Variants in FBLN7 observed in about 807,000 individuals in gnomAD.
FBLN7 encodes fibulin-7.
FBLN7 carries 31 observed loss-of-function variants against 44.0 expected under a neutral mutation model. The ratio of observed to expected loss-of-function variants is 0.70; its 90% CI spans 0.53 to 0.95. The LOEUF (loss-of-function observed/expected upper bound fraction) is 0.95. Among genes scored for constraint, FBLN7 ranks in the 40% least tolerant of loss-of-function variants. The probability of loss-of-function intolerance (pLI) is 0.00; values close to 1 mark genes in which losing one functional copy is unlikely to be tolerated. For missense variants in FBLN7, 573 were observed against 618.5 expected (o/e 0.93, Z 0.78); for synonymous variants, 262 against 253.4 (o/e 1.03, Z -0.32).
Position 112,187,239 on chromosome 2 carries a change from C to G in FBLN7, c.1053C>G (p.Pro351=). The G allele has an allele frequency of 6.2e-7, 1 of 1,614,216 alleles. No homozygotes were observed. Residue 351 remains proline, a synonymous_variant, in exon 8 of 8, where the codon CCC becomes CCG. Transcript: ENST00000331203. This position sits in a 1 kb window ranked among gnomAD's most constrained non-coding sequence, Gnocchi z 5.1. ...CTCTGCCTTCCAACCTGAAGACGCC[C>G]ATCACGCTCTTCCGCATGGCCACAG... The part of the protein sequence containing the change: ...YLSLPSNLKT[P]ITLFRMATAS...
intron 6 of FBLN7, 147 bp downstream of exon 6, chr2:112,183,075 C>T: frequency 9.6e-7 from 1 of 1,044,346 alleles, no homozygotes; most frequent in Non-Finnish European, 1.3e-6. Context: ...CAAAGGGCTT[C>T]TCAAAGGTCA....
chr2:112,174,927 AT>A (rs1186696551), intron 3 of FBLN7, among the ~76,000 whole-genome samples: 2 of 152,192 alleles, frequency 1.3e-5, no homozygotes, highest in Non-Finnish European at 2.9e-5. Flanking sequence ...ATTAAAAAAA[AT>A]GTATACATGA....
chr2:112,140,680 T>C (rs907404752), intron 1 of FBLN7, among the ~76,000 whole-genome samples: 18 of 152,128 alleles, frequency 1.2e-4, no homozygotes, highest in African/African-American at 4.3e-4. Context: ...CTAATTAGCT[T>C]AGAGAACGTC....
At chr2:112,139,181 C>T (rs1680512328) in intron 1 of FBLN7, among the ~76,000 whole-genome samples, 1 of 57,036 alleles carries the variant, frequency 1.8e-5, no homozygotes, top group Admixed American at 1.4e-4. Flanking sequence ...CTCTCCAGGC[C>T]AGTGTCCCTC....
intron 3 of FBLN7, among the ~76,000 whole-genome samples, chr2:112,172,853 T>C (rs1315012220): frequency 2.0e-5 from 3 of 152,052 alleles, no homozygotes; most frequent in Non-Finnish European, 4.4e-5. Context: ...AGGCTGGTCT[T>C]GAACTCCTGG....
the FBLN7 span, among the ~76,000 whole-genome samples, chr2:112,242,339 T>C: frequency 6.6e-6 from 1 of 152,234 alleles, no homozygotes; most frequent in Non-Finnish European, 1.5e-5. Context: ...TCAGAGTCCA[T>C]AAATACAATT....
At chr2:112,229,200 T>C in the FBLN7 span, among the ~76,000 whole-genome samples, 8 of 152,074 alleles carry the variant, frequency 5.3e-5, no homozygotes, top group Non-Finnish European at 7.4e-5. Flanking sequence ...GAAAGAGCAG[T>C]CTTTTTAATT....
rs565930395 is a variant in FBLN7 at position 112,183,050 on chromosome 2, TA to T, written c.808+127del. The T allele has an allele frequency of 7.3e-3, 9,751 of 1,336,912 alleles. 63 individuals are homozygous for T. Among genetic ancestry groups the T allele is most frequent in the South Asian group, 0.015 (1,048 of 69,608 alleles). The allele number at this position is 1,336,912 out of a possible 1,614,324, so 82.8% of individuals were successfully genotyped here. On this transcript the variant is annotated intron_variant, in intron 6 of 7. Coordinates refer to ENST00000331203, the MANE Select transcript of FBLN7 (RefSeq NM_153214.3). ...CACAGTTTCAGATACATTGGATTTT[TA>T]AAAAGCCACCAACCAAAGGGCTTCT...
At chr2:112,220,992 G>C in the FBLN7 span, among the ~76,000 whole-genome samples, 5 of 152,296 alleles carry the variant, frequency 3.3e-5, no homozygotes, top group Admixed American at 2.0e-4. Context: ...GAACTTGAAT[G>C]TTGGCCTCTC....
At chr2:112,175,919 G>A in intron 4 of FBLN7, 80 bp downstream of exon 4, 1 of 1,517,412 alleles carries the variant, frequency 6.6e-7, no homozygotes. Context: ...CCCAAATGCA[G>A]ACATGTAGGG....
At chr2:112,154,783 G>C (rs1681332831) in intron 1 of FBLN7, among the ~76,000 whole-genome samples, 1 of 152,198 alleles carries the variant, frequency 6.6e-6, no homozygotes, top group Non-Finnish European at 1.5e-5. Context: ...TGGTGGGTTT[G>C]GGAGGGGAAT....
At position 112,181,808 on chromosome 2, in the gene FBLN7, G is replaced by T; in HGVS notation, c.602G>T (p.Arg201Leu). ...GCGCCGCGCTGTGCGCAGGTGGAGC[G>T]GGCTCAGCACTGCAGCTGCGAGGCC... ...SRAPRCAQVE[R>L]AQHCSCEAGF... The change falls in exon 5 of 8, where the codon CGG becomes CTG. Residue 201 changes from arginine to leucine, a missense_variant. Arg to Leu is a moderately radical substitution (Grantham distance 102, BLOSUM62 -2). Coordinates refer to ENST00000331203, the MANE Select transcript of FBLN7 (RefSeq NM_153214.3). 1 of 1,500,438 alleles carries T rather than the reference G, an allele frequency of 6.7e-7. No homozygotes were observed. Among genetic ancestry groups the T allele is most frequent in the East Asian group, 2.8e-5 (1 of 36,184 alleles). The allele number at this position is 1,500,438 out of a possible 1,614,324, so 92.9% of individuals were successfully genotyped here.
At chr2:112,215,788 G>A in the FBLN7 span, 1 of 152,066 alleles carries the variant, frequency 6.6e-6, no homozygotes, top group African/African-American at 2.4e-5. Context: ...TGTATAATCT[G>A]ACTACAGTTT....
chr2:112,216,926 C>T, the FBLN7 span, among the ~76,000 whole-genome samples: 1 of 152,058 alleles, frequency 6.6e-6, no homozygotes, highest in East Asian at 1.9e-4. Context: ...AATAAAATGA[C>T]AGAAACTAAA....
chr2:112,153,567 C>T (rs1681270606), intron 1 of FBLN7, among the ~76,000 whole-genome samples: 2 of 152,148 alleles, frequency 1.3e-5, no homozygotes, highest in East Asian at 1.9e-4. Flanking sequence ...TTCTCTGTAC[C>T]CTCTGTTGCC....
chr2:112,165,574 G>A (rs540496565), intron 3 of FBLN7, among the ~76,000 whole-genome samples: 1 of 152,236 alleles, frequency 6.6e-6, no homozygotes, highest in South Asian at 2.1e-4. Flanking sequence ...TCAATGTGAG[G>A]GCAAGAAGCT....
At chr2:112,219,509 A>C in the FBLN7 span, among the ~76,000 whole-genome samples, 6 of 152,182 alleles carry the variant, frequency 3.9e-5, no homozygotes, top group Admixed American at 1.3e-4. Context: ...AAGTCTTCAC[A>C]ACACTATTTA....
the FBLN7 span, among the ~76,000 whole-genome samples, chr2:112,207,834 TTTTG>T: frequency 1.3e-5 from 2 of 152,262 alleles, no homozygotes; most frequent in East Asian, 1.9e-4. Flanking sequence ...TCCATCTTTC[TTTTG>T]TTTAATGTTT....
At chr2:112,171,326 A>T (rs1470285763) in intron 3 of FBLN7, among the ~76,000 whole-genome samples, 1 of 152,124 alleles carries the variant, frequency 6.6e-6, no homozygotes, top group Non-Finnish European at 1.5e-5. Context: ...AGTCAAATGG[A>T]GAAGGAGGAG....
Sources: allele counts gnomAD v4.1 joint callset (sites outside exome capture counted in the v4.1 genomes callset), GRCh38; gene constraint gnomAD v4.1.1; non-coding constraint Gnocchi (gnomAD v3.1); transcripts MANE v1.5; gene names NCBI Gene and HGNC (gene_info 2026-07-23, HGNC 2026-07-21).